NAA60: variants seen among roughly 807,000 people sequenced by gnomAD.
The protein encoded by NAA60 is N-alpha-acetyltransferase 60.
Under a neutral mutation model 26.1 loss-of-function variants are expected in NAA60, and 8 were observed. The ratio of observed to expected loss-of-function variants is 0.31; its 90% CI spans 0.18 to 0.55. The LOEUF (loss-of-function observed/expected upper bound fraction) is 0.55, where lower values mean the gene tolerates loss of function less well. NAA60 is among the 20% of genes least tolerant of loss of function. The pLI is 0.93. For synonymous variants in NAA60, 131 were observed against 122.5 expected, an observed-to-expected ratio of 1.07 and a Z score of -0.46; for missense variants, 290 against 311.3, an observed-to-expected ratio of 0.93 and a Z score of 0.51.
intron 2 of NAA60, among the ~76,000 whole-genome samples, chr16:3,462,139 G>A (rs2150968460): frequency 6.8e-6 from 1 of 147,314 alleles, no homozygotes; most frequent in Non-Finnish European, 1.5e-5. Context: ...TATAGTTACT[G>A]TTATTAAAAA....
chr16:3,445,031 T>G (rs1293806927), intron 1 of NAA60, among the ~76,000 whole-genome samples: 2 of 152,194 alleles, frequency 1.3e-5, no homozygotes, highest in African/African-American at 4.8e-5. Flanking sequence ...GACAGCTAAC[T>G]AAGAGCTAGA....
chr16:3,484,777 C>T lies in NAA60; in HGVS notation c.651C>T (p.Ala217=), dbSNP rs746185839. 1 of 1,588,444 alleles carries T rather than the reference C, an allele frequency of 6.3e-7. No individual in the cohort carries two copies. The highest frequency in any genetic ancestry group is 8.6e-7 in the Non-Finnish European group (1 of 1,168,382). The change falls in exon 7 of 8, where the codon GCC becomes GCT. Residue 217 remains alanine, a synonymous_variant. Coordinates refer to ENST00000407558, the MANE Select transcript of NAA60 (RefSeq NM_001083601.3). ...TTCCGCACAGAGTCTACCGCCAGGC[C>T]CACAGCCTGCTCTGCAGCTTCCTGC... is the stretch of plus-strand genomic sequence containing the variant. ...CSIPHRVYRQ[A]HSLLCSFLPW...
At chr16:3,467,501 A>G (rs2035843398) in intron 2 of NAA60, among the ~76,000 whole-genome samples, 1 of 152,128 alleles carries the variant, frequency 6.6e-6, no homozygotes. Flanking sequence ...AAGGAGGAGG[A>G]GTCCCCCGTG....
chr16:3,456,136 T>C (rs9930267), intron 2 of NAA60, among the ~76,000 whole-genome samples: 6,373 of 152,254 alleles, frequency 0.042, 422 homozygotes, highest in African/African-American at 0.14. Context: ...GTGGAAACAA[T>C]AGAATGTTGT....
chr16:3,483,410 C>T lies in NAA60; in HGVS notation c.385C>T (p.Gln129Ter). The stretch of plus-strand genomic sequence containing the variant: ...AAAGGATCACATATCAACCACCGCC[C>T]AGGACCACTGCAAAGCCATTTACCT... ...SLKDHISTTAQDHCKAIYLHV... is the reference protein window; with the variant it reads ...SLKDHISTTA Residue 129 changes from glutamine (Q) to a stop codon, truncating the protein, a stop_gained, in exon 6 of 8, where the codon CAG becomes TAG. Transcript: ENST00000407558. LOFTEE classifies it high-confidence loss of function. 6.2e-7 allele frequency: 1 copy of T among 1,613,774 alleles called. No homozygotes were observed. The highest frequency in any genetic ancestry group is 8.5e-7 in the Non-Finnish European group (1 of 1,179,798).
chr16:3,482,191 A>G (rs2036879447), intron 4 of NAA60, among the ~76,000 whole-genome samples: 2 of 152,336 alleles, frequency 1.3e-5, no homozygotes, highest in South Asian at 2.1e-4. Flanking sequence ...TGCTGCCTTC[A>G]TGCCATAACT....
chr16:3,450,571 G>A (rs1017844052), intron 2 of NAA60, among the ~76,000 whole-genome samples: 1 of 151,940 alleles, frequency 6.6e-6, no homozygotes, highest in Non-Finnish European at 1.5e-5. Context: ...GTGGTGGTGG[G>A]CACCTGTGGT....
upstream of NAA60, chr16:3,443,642 G>C: frequency 8.9e-7 from 1 of 1,126,624 alleles, no homozygotes; most frequent in Non-Finnish European, 1.2e-6. Context: ...GGGCAGCTGC[G>C]AGAGGTAGTT....
Position 3,486,097 on chromosome 16 carries a change from A to T in NAA60, c.*837A>T, listed in dbSNP as rs550505193. 8.2e-5 allele frequency: 16 copies of T among 195,998 alleles called. No individual in the cohort carries two copies. Among genetic ancestry groups the T allele is most frequent in the Non-Finnish European group, 1.6e-4 (15 of 92,506 alleles). The allele number at this position is 195,998 out of a possible 1,614,324, so 12.1% of individuals were successfully genotyped here. On this transcript the variant is annotated 3_prime_UTR_variant, in exon 8 of 8. Coordinates refer to ENST00000407558, the MANE Select transcript of NAA60 (RefSeq NM_001083601.3). The stretch of plus-strand genomic sequence containing the variant: ...TGCTCCAAGGCCTGGCCACATGCAG[A>T]CAGGAGGAAGCTGAGCTCGACATTA...
chr16:3,468,877 A>G (rs1348291172), intron 2 of NAA60, among the ~76,000 whole-genome samples: 10 of 152,210 alleles, frequency 6.6e-5, no homozygotes, highest in African/African-American at 2.2e-4. Flanking sequence ...GATCGAGACC[A>G]TCCTGGCCAA....
At chr16:3,466,372 C>T (rs1423243920) in intron 2 of NAA60, among the ~76,000 whole-genome samples, 2 of 152,220 alleles carry the variant, frequency 1.3e-5, no homozygotes, top group Non-Finnish European at 2.9e-5. Flanking sequence ...GCTGCTCTGA[C>T]ACTTTGGAAG....
chr16:3,481,211 C>T (rs559956816), intron 4 of NAA60, among the ~76,000 whole-genome samples: 411 of 152,088 alleles, frequency 2.7e-3, no homozygotes, highest in African/African-American at 9.2e-3. Flanking sequence ...CTGCAACCTC[C>T]GCCTCTCAAG....
chr16:3,453,134 C>G (rs984060100), intron 2 of NAA60, among the ~76,000 whole-genome samples: 2 of 151,734 alleles, frequency 1.3e-5, no homozygotes, highest in Non-Finnish European at 2.9e-5. Flanking sequence ...ATTTTACTCA[C>G]GCCTGTAATC....
At chr16:3,476,076 G>T in intron 2 of NAA60, 146 bp from the exon 3 acceptor site, 1 of 608,522 alleles carries the variant, frequency 1.6e-6, no homozygotes, top group East Asian at 2.9e-5. Flanking sequence ...GAGGGCGATC[G>T]TGAGAGGCAG....
intron 1 of NAA60, chr16:3,447,529 G>A (rs947802062): frequency 1.0e-6 from 1 of 985,388 alleles, no homozygotes; most frequent in Non-Finnish European, 1.2e-6. Flanking sequence ...GTATGGCTCT[G>A]GTTCTTACCG....
chr16:3,443,726 C>G lies in NAA60; in HGVS notation c.-188C>G. On this transcript the variant is annotated 5_prime_UTR_variant, in exon 1 of 8. Transcript: ENST00000407558. ...CCTCCGTGAGCTCCGGGCCTGTTTG[C>G]CTGCTGAAGTAGAGTCTTAGGGTGA... is the stretch of plus-strand genomic sequence containing the variant. 1 of 1,477,002 alleles carries G rather than the reference C, an allele frequency of 6.8e-7. No homozygotes were observed. The highest frequency in any genetic ancestry group is 9.0e-7 in the Non-Finnish European group (1 of 1,116,340). 91.5% of individuals were successfully genotyped at this position (1,477,002 alleles called of 1,614,324 possible). A position where few individuals can be genotyped will look rare whatever the true frequency, so the allele number is the denominator to read the frequency against.
chr16:3,459,275 T>C lies in NAA60; in HGVS notation c.-7+10735T>C, dbSNP rs145126083. Among the ~76,000 whole-genome samples, 6 of 152,312 alleles carry C rather than the reference T, an allele frequency of 3.9e-5. No homozygotes were observed. The East Asian group carries it at 1.2e-3, about 29-fold the overall frequency. ...GTCATGTGACTCCAAAGGTCGACTC[T>C]AGAAATGCGGCAGTCCATGTAGCAC... On this transcript the variant is annotated intron_variant, in intron 2 of 7. Coordinates refer to ENST00000407558, the MANE Select transcript of NAA60 (RefSeq NM_001083601.3).
rs1465413184 is a variant in NAA60, at chr16:3,485,701, T to TA, written c.*444dup. 2.2e-6 allele frequency: 1 copy of TA among 456,344 alleles called. No individual in the cohort carries two copies. The highest frequency in any genetic ancestry group is 2.0e-5 in the African/African-American group (1 of 50,044). The allele number at this position is 456,344 out of a possible 1,614,324, so 28.3% of individuals were successfully genotyped here. A position where few individuals can be genotyped will look rare whatever the true frequency, so the allele number is the denominator to read the frequency against. On this transcript the variant is annotated 3_prime_UTR_variant, in exon 8 of 8. Transcript: ENST00000407558. ...CAAGTATTATGGACACACTTGACCG[T>TA]AAAGGCACAGGAGCCTCGGAACAAG...
intron 2 of NAA60, chr16:3,458,176 C>G (rs2035107457): frequency 1.0e-6 from 1 of 984,970 alleles, no homozygotes. Context: ...CCGGCTCCCC[C>G]ACGAGGTGAG....
Sources: gnomAD v4.1 joint callset for allele counts (sites outside exome capture counted in the v4.1 genomes callset) on GRCh38, gnomAD v4.1.1 for gene constraint, MANE v1.5 for transcripts, NCBI Gene and HGNC (gene_info 2026-07-23, HGNC 2026-07-21) for gene names.